Variants in SCNN1D observed in about 807,000 individuals in gnomAD.
SCNN1D encodes the protein sodium channel epithelial 1 subunit delta.
A neutral mutation model predicts 87.8 loss-of-function variants in SCNN1D; 104 were observed. That is an observed-to-expected ratio of 1.18 (90% CI 1.01 to 1.39). SCNN1D has a LOEUF of 1.39. Among genes scored for constraint, SCNN1D ranks in the 40% most tolerant of loss-of-function variants. The pLI is 0.00. For synonymous variants in SCNN1D, 628 were observed against 481.2 expected, an observed-to-expected ratio of 1.31 and a Z score of -3.99; for missense variants, 1,324 against 1,093.9, an observed-to-expected ratio of 1.21 and a Z score of -2.97.
chr1:1,291,232 C>T (rs554566231), intron 17 of SCNN1D, 22 bp from the exon 18 acceptor site: 2 of 1,562,206 alleles, frequency 1.3e-6, no homozygotes, highest in Non-Finnish European at 8.7e-7. Flanking sequence ...GCCCGCCCCT[C>T]ACACCCGCAC....
rs148109454 is a variant in SCNN1D at position 1,287,562 on chromosome 1, C to T, written c.1365C>T (p.Gly455=). The change falls in exon 10 of 18, where the codon GGC becomes GGT. Residue 455 remains glycine (G), a synonymous_variant. Transcript: ENST00000379116. ...ACGGCAGCTGCTACACGGTCGATGG[C>T]GTCTGGACAGCTCAGCGCCCCGGCA... ...PTYGSCYTVD[G]VWTAQRPGIT... is the part of the protein sequence containing the mutation. 232 of 1,575,460 alleles carry T rather than the reference C, an allele frequency of 1.5e-4. 1 individual carries two copies. The highest frequency in any genetic ancestry group is 1.8e-4 in the Non-Finnish European group (205 of 1,159,040).
chr1:1,290,854 G>C, intron 15 of SCNN1D, 41 bp from the exon 16 acceptor site: 2 of 1,603,638 alleles, frequency 1.2e-6, no homozygotes, highest in Non-Finnish European at 1.7e-6. Flanking sequence ...ATGGCCGGGG[G>C]CATGGGGGAG....
chr1:1,290,603 A>G, intron 14 of SCNN1D, 34 bp from the exon 15 acceptor site: 1 of 1,612,514 alleles, frequency 6.2e-7, no homozygotes, highest in Non-Finnish European at 8.5e-7. Context: ...TGCCCCAGGT[A>G]GCGTGGCAGG....
chr1:1,287,618 G>T (rs537090584), intron 10 of SCNN1D, 22 bp downstream of exon 10: 1 of 1,609,630 alleles, frequency 6.2e-7, no homozygotes, highest in South Asian at 1.1e-5. Flanking sequence ...CCCCTGGCCG[G>T]TGCGGGGGCA....
At position 1,287,804 on chromosome 1, in the gene SCNN1D, C is replaced by T; in HGVS notation, c.1531C>T (p.Pro511Ser). The T allele has an allele frequency of 6.3e-7, 1 of 1,576,050 alleles. No individual in the cohort carries two copies. The highest frequency in any genetic ancestry group is 8.6e-7 in the Non-Finnish European group (1 of 1,160,974). Residue 511 changes from proline to serine, a missense_variant, in exon 11 of 18, where the codon CCA becomes TCA. Coordinates refer to ENST00000379116, the MANE Select transcript of SCNN1D (RefSeq NM_001130413.4). ...GGGGCACCACAGCTTCAGCGTCCGGCCAGGGACGGAGGCCACCATCAGCAT... is the reference window on the plus strand; with the variant it reads ...GGGGCACCACAGCTTCAGCGTCCGGTCAGGGACGGAGGCCACCATCAGCAT... ...FLGHHSFSVR[P>S]GTEATISIRE...
At chr1:1,289,600 C>CCT (rs1640716867) in intron 12 of SCNN1D, among the ~76,000 whole-genome samples, 1 of 22,252 alleles carries the variant, frequency 4.5e-5, no homozygotes, top group Non-Finnish European at 6.9e-5. Context: ...TGCTCCGTCC[C>CCT]GTGTCTCTGC....
intron 4 of SCNN1D, among the ~76,000 whole-genome samples, chr1:1,282,852 A>G (rs1047781452): frequency 2.0e-5 from 3 of 151,006 alleles, no homozygotes; most frequent in African/African-American, 7.3e-5. Flanking sequence ...TCCTGGGTTC[A>G]CACCATTCTC....
At position 1,286,928 on chromosome 1, in the gene SCNN1D, C is replaced by T. The variant is rs1212527551; in HGVS notation, c.1072C>T (p.Gln358Ter). Residue 358 changes from glutamine to a stop codon, truncating the protein, a stop_gained, in exon 8 of 18, where the codon CAG becomes TAG. Coordinates refer to ENST00000379116, the MANE Select transcript of SCNN1D (RefSeq NM_001130413.4). LOFTEE classifies it high-confidence loss of function. Reference sequence around the variant, plus strand: ...CCACCTGGACCGGGAGATCCGTCTGCAGAGGCTGAGCCACTCGGGCAGCCG... The same window carrying T: ...CCACCTGGACCGGGAGATCCGTCTGTAGAGGCTGAGCCACTCGGGCAGCCG... The part of the protein sequence containing the change: ...PFHLDREIRL[Q>*]RLSHSGSRVR... 1 of 1,612,544 alleles carries T rather than the reference C, an allele frequency of 6.2e-7. No individual in the cohort carries two copies. The highest frequency in any genetic ancestry group is 1.1e-5 in the South Asian group (1 of 91,074).
chr1:1,289,922 CCCGTCCCCCGTGTCTCTGCT>C (rs1557585838), intron 12 of SCNN1D, among the ~76,000 whole-genome samples: 5 of 38,474 alleles, frequency 1.3e-4, no homozygotes, highest in Admixed American at 2.2e-4. Flanking sequence ...GTGTCTCTGC[CCCGTCCCCCGTGTCTCTGCT>C]CCGTCCCGTG....
rs747738450 is a variant in SCNN1D at position 1,291,429 on chromosome 1, CAG to C, written c.2229_2230del (p.Ala745ValfsTer20). The C allele has an allele frequency of 1.4e-5, 23 of 1,606,836 alleles. 1 individual carries two copies. Among genetic ancestry groups the C allele is most frequent in the South Asian group, 7.7e-5 (7 of 90,498 alleles). ...TCCTGGCCCAGAGCCAGCCCTGCCT[CAG>C]GGGCGTCCAGCATCAAGCCAGAGGC... On this transcript the variant is annotated frameshift_variant, in exon 18 of 18. Coordinates refer to ENST00000379116, the MANE Select transcript of SCNN1D (RefSeq NM_001130413.4). LOFTEE classifies it low-confidence loss of function (END_TRUNC).
At chr1:1,290,089 G>C (rs1473044331) in intron 12 of SCNN1D, among the ~76,000 whole-genome samples, 182 bp from the exon 13 acceptor site, 15 of 122,898 alleles carry the variant, frequency 1.2e-4, no homozygotes, top group Non-Finnish European at 1.6e-4. Flanking sequence ...TCTCTGCTCC[G>C]TCCCGTGTCT....
At position 1,290,712 on chromosome 1, in the gene SCNN1D, T is replaced by TG. The variant is rs1264859843; in HGVS notation, c.1917+22dup. The TG allele has an allele frequency of 2.2e-5, 36 of 1,612,156 alleles. No individual in the cohort carries two copies. Among genetic ancestry groups the TG allele is most frequent in the Non-Finnish European group, 2.9e-5 (34 of 1,179,782 alleles). On this transcript the variant is annotated intron_variant, in intron 15 of 17. Coordinates refer to ENST00000379116, the MANE Select transcript of SCNN1D (RefSeq NM_001130413.4). ...AGTCAGCTGTGAGTCCCCAAAGTGG[T>TG]GGGGTGGGGGTGTGGACAGCCAGGC...
In SCNN1D at chr1:1,287,922, G is replaced by A. The variant is rs370393924; in HGVS notation, c.1564-17G>A. ...GGGTGAGGGCAGGGCCCATGGAACT[G>A]AAGCGTCCCCTCCCAGGACGAGGTG... On this transcript the variant is annotated splice_polypyrimidine_tract_variant and intron_variant, in intron 11 of 17. Transcript: ENST00000379116. 10 of 1,535,186 alleles carry A rather than the reference G, an allele frequency of 6.5e-6. No homozygotes were observed. In the African/African-American group the frequency reaches 1.2e-4, roughly 19 times the overall value.
chr1:1,281,398 T>A lies in SCNN1D; in HGVS notation c.78-13T>A. Reference sequence around the variant, plus strand: ...GGAGCCAGGGATGCCTGCCCGTCCCTTCTCTCATTCAGGCTCACCTGGTCA... The same window carrying A: ...GGAGCCAGGGATGCCTGCCCGTCCCATCTCTCATTCAGGCTCACCTGGTCA... On this transcript the variant is annotated splice_polypyrimidine_tract_variant and intron_variant, in intron 2 of 17. Transcript: ENST00000379116. 6.6e-7 allele frequency: 1 copy of A among 1,525,474 alleles called. No homozygotes were observed. The highest frequency in any genetic ancestry group is 1.2e-5 in the South Asian group (1 of 83,146). 94.5% of individuals were successfully genotyped at this position (1,525,474 alleles called of 1,614,324 possible).
chr1:1,287,018 C>T, intron 8 of SCNN1D, 43 bp downstream of exon 8: 1 of 1,595,914 alleles, frequency 6.3e-7, no homozygotes, highest in South Asian at 1.1e-5. Flanking sequence ...GGGCCTTGAG[C>T]TGGGAGCACG....
rs140760306 is a variant in SCNN1D, at chr1:1,286,838, A to C, written c.982A>C (p.Asn328His). ...CAGGGAGAACATTGACTCCCTGTAC[A>C]ACGTCAACCTCAGCAAAGGCAGAGC... is the stretch of plus-strand genomic sequence containing the variant. ...FARENIDSLYNVNLSKGRAAL... is the reference protein window; with the variant it reads ...FARENIDSLYHVNLSKGRAAL... Residue 328 changes from asparagine (N) to histidine (H), a missense_variant, in exon 8 of 18, where the codon AAC becomes CAC. Transcript: ENST00000379116. The C allele has an allele frequency of 8.1e-6, 13 of 1,612,580 alleles. No homozygotes were observed. Among genetic ancestry groups the C allele is most frequent in the African/African-American group, 5.3e-5 (4 of 75,002 alleles).
rs1017625925 is a variant in SCNN1D, at chr1:1,290,523, C to T, written c.1827C>T (p.Leu609=). The change falls in exon 14 of 18, where the codon CTC becomes CTT. Residue 609 remains leucine, a synonymous_variant. Coordinates refer to ENST00000379116, the MANE Select transcript of SCNN1D (RefSeq NM_001130413.4). Reference sequence around the variant, plus strand: ...ACCAGGACCTGGAGACCCACCGGCTCCCCTGTACCTCCCGCTGCCCCAGGC... The same window carrying T: ...ACCAGGACCTGGAGACCCACCGGCTTCCCTGTACCTCCCGCTGCCCCAGGC... The part of the protein sequence containing the change: ...RLYQDLETHR[L]PCTSRCPRPC... The T allele has an allele frequency of 1.3e-5, 21 of 1,612,598 alleles. No individual in the cohort carries two copies. The highest frequency in any genetic ancestry group is 2.2e-5 in the South Asian group (2 of 91,088).
At chr1:1,286,616 C>T in intron 7 of SCNN1D, 152 bp from the exon 8 acceptor site, 1 of 754,670 alleles carries the variant, frequency 1.3e-6, no homozygotes, top group Non-Finnish European at 2.1e-6. Flanking sequence ...TCACCGGCAG[C>T]CACGGCCTCC....
intron 4 of SCNN1D, among the ~76,000 whole-genome samples, chr1:1,282,713 G>C (rs1640496461): frequency 6.6e-6 from 1 of 152,042 alleles, no homozygotes; most frequent in East Asian, 1.9e-4. Context: ...ATACGTGTGT[G>C]GTCTTAGCAT....
Sources: allele counts gnomAD v4.1 joint callset (sites outside exome capture counted in the v4.1 genomes callset), GRCh38; gene constraint gnomAD v4.1.1; transcripts MANE v1.5; gene names NCBI Gene and HGNC (gene_info 2026-07-23, HGNC 2026-07-21).